Variants in CHCHD3 observed in about 807,000 individuals in gnomAD.
CHCHD3 encodes the protein MICOS complex subunit MIC19.
Under a neutral mutation model 38.2 loss-of-function variants are expected in CHCHD3, and 20 were observed. The ratio of observed to expected loss-of-function variants is 0.52; its 90% CI spans 0.37 to 0.76. The LOEUF (loss-of-function observed/expected upper bound fraction) is 0.76. CHCHD3 is among the 30% of genes least tolerant of loss of function. The probability of loss-of-function intolerance (pLI) is 0.00; values close to 1 mark genes in which losing one functional copy is unlikely to be tolerated. For missense variants in CHCHD3, 245 were observed against 279.2 expected, an observed-to-expected ratio of 0.88 and a Z score of 0.87; for synonymous variants, 82 against 100.0, an observed-to-expected ratio of 0.82 and a Z score of 1.07.
chr7:132,791,376 T>G (rs1331915783), intron 7 of CHCHD3, among the ~76,000 whole-genome samples: 1 of 152,236 alleles, frequency 6.6e-6, no homozygotes, highest in Non-Finnish European at 1.5e-5. Flanking sequence ...ATTTAAATTC[T>G]CTGGAAGCTA....
At chr7:132,918,357 A>G (rs894692935) in intron 4 of CHCHD3, among the ~76,000 whole-genome samples, 4 of 152,148 alleles carry the variant, frequency 2.6e-5, no homozygotes, top group African/African-American at 9.7e-5. Flanking sequence ...ACCCTCCTCA[A>G]TGGGCTGCTG....
chr7:132,983,621 G>A (rs1354293795), intron 3 of CHCHD3, among the ~76,000 whole-genome samples: 1 of 152,090 alleles, frequency 6.6e-6, no homozygotes, highest in Admixed American at 6.5e-5. Context: ...TGAGGTTCTC[G>A]TGTATTTTTC....
chr7:133,044,918 C>G (rs550128563), intron 2 of CHCHD3, among the ~76,000 whole-genome samples: 88 of 152,358 alleles, frequency 5.8e-4, no homozygotes, highest in South Asian at 1.2e-3. Context: ...CAGCTCTGAT[C>G]CAGGATGCTG....
At chr7:132,851,052 A>G (rs988173411) in intron 5 of CHCHD3, among the ~76,000 whole-genome samples, 6 of 152,194 alleles carry the variant, frequency 3.9e-5, no homozygotes, top group Non-Finnish European at 2.9e-5. Context: ...ACCAGTTTTG[A>G]TATGGAAAGA....
Position 132,900,970 on chromosome 7 carries a change from G to A in CHCHD3, c.370-15225C>T, listed in dbSNP as rs147623133. Among the ~76,000 whole-genome samples, 38 of 152,210 alleles carry A rather than the reference G, an allele frequency of 2.5e-4. No homozygotes were observed. The East Asian group carries it at 5.6e-3, about 22-fold the overall frequency. ...AGCACCACTGAACTCCAGCCTGGGC[G>A]ACAGAGCAAGCCTCCCTCTCAAAAA... On this transcript the variant is annotated intron_variant, in intron 4 of 7. Coordinates refer to ENST00000262570, the MANE Select transcript of CHCHD3 (RefSeq NM_017812.4).
chr7:133,028,951 C>G (rs747084020), intron 2 of CHCHD3, among the ~76,000 whole-genome samples: 1 of 151,810 alleles, frequency 6.6e-6, no homozygotes. Flanking sequence ...CTGAGCCCCT[C>G]ACCACGTGAT....
At chr7:132,851,366 G>A (rs1808214715) in intron 5 of CHCHD3, among the ~76,000 whole-genome samples, 1 of 152,094 alleles carries the variant, frequency 6.6e-6, no homozygotes, top group Non-Finnish European at 1.5e-5. Flanking sequence ...TATTTTCCAT[G>A]CTTAGATTGG....
chr7:132,912,690 G>A (rs1226303056), intron 4 of CHCHD3, among the ~76,000 whole-genome samples: 1 of 152,174 alleles, frequency 6.6e-6, no homozygotes, highest in Non-Finnish European at 1.5e-5. Context: ...AGGTAGCTGG[G>A]ACTACAGGCG....
rs1806287751 is a variant in CHCHD3 at position 132,785,374 on chromosome 7, G to A, written c.*263C>T. 8.0e-6 allele frequency: 4 copies of A among 498,320 alleles called. No individual in the cohort carries two copies. Among genetic ancestry groups the A allele is most frequent in the African/African-American group, 1.9e-5 (1 of 51,432 alleles). 30.9% of individuals were successfully genotyped at this position (498,320 alleles called of 1,614,324 possible). A position where few individuals can be genotyped will look rare whatever the true frequency, so the allele number is the denominator to read the frequency against. On this transcript the variant is annotated 3_prime_UTR_variant, in exon 8 of 8. Coordinates refer to ENST00000262570, the MANE Select transcript of CHCHD3 (RefSeq NM_017812.4). ...AAAGTACCAAAAGGTGGAGAGGGCT[G>A]CCCTTCTCTTTTAATCATCATAAGA...
At chr7:132,875,608 C>T (rs750621616) in intron 5 of CHCHD3, among the ~76,000 whole-genome samples, 3 of 152,194 alleles carry the variant, frequency 2.0e-5, no homozygotes, top group Admixed American at 6.5e-5. Flanking sequence ...GGGCCCATTG[C>T]GCCACTGTGT....
chr7:132,789,831 C>A (rs1306784553), intron 7 of CHCHD3, among the ~76,000 whole-genome samples: 3 of 151,914 alleles, frequency 2.0e-5, no homozygotes, highest in Admixed American at 6.6e-5. Context: ...TCTACCTAAC[C>A]AAGGAAAAAT....
chr7:132,928,547 A>C (rs1302492681), intron 4 of CHCHD3, among the ~76,000 whole-genome samples: 1 of 152,040 alleles, frequency 6.6e-6, no homozygotes, highest in African/African-American at 2.4e-5. Flanking sequence ...ATATACAAAA[A>C]TTAGCCAGGC....
At chr7:132,955,216 T>TGTGTGTGTGTGTGTG in intron 4 of CHCHD3, among the ~76,000 whole-genome samples, 2 of 16,792 alleles carry the variant, frequency 1.2e-4, no homozygotes, top group Non-Finnish European at 1.7e-4. Flanking sequence ...GTGTGTGTGT[T>TGTGTGTGTGTGTGTG]GCGGGGTGGG....
chr7:132,909,291 C>G lies in CHCHD3; in HGVS notation c.370-23546G>C, dbSNP rs566745279. ...GATGGATCACTTGAGGTCAGGAGCT[C>G]GAGACCAGTCTGGCCAACATGGTGA... On this transcript the variant is annotated intron_variant, in intron 4 of 7. Transcript: ENST00000262570. Among the ~76,000 whole-genome samples the G allele has an allele frequency of 7.5e-4, 114 of 152,126 alleles. 1 individual carries two copies. The highest frequency in any genetic ancestry group is 1.5e-3 in the Non-Finnish European group (103 of 67,990).
At chr7:132,814,408 G>A (rs1055270817) in intron 6 of CHCHD3, among the ~76,000 whole-genome samples, 4 of 152,148 alleles carry the variant, frequency 2.6e-5, no homozygotes, top group Admixed American at 1.3e-4. Flanking sequence ...AAATAATAGG[G>A]AGAAATGTGA....
intron 3 of CHCHD3, among the ~76,000 whole-genome samples, chr7:132,988,182 A>C (rs568182909): frequency 6.6e-6 from 1 of 152,076 alleles, no homozygotes; most frequent in African/African-American, 2.4e-5. Context: ...CAAGGGTCAT[A>C]AGAAACTTAC....
intron 4 of CHCHD3, among the ~76,000 whole-genome samples, chr7:132,969,216 T>TG (rs1269077895): frequency 6.6e-6 from 1 of 151,868 alleles, no homozygotes; most frequent in Non-Finnish European, 1.5e-5. Context: ...TAGCTTAAGT[T>TG]GGGACAAAAT....
chr7:133,066,041 CA>C (rs1814659484), intron 2 of CHCHD3, among the ~76,000 whole-genome samples: 1 of 151,194 alleles, frequency 6.6e-6, no homozygotes, highest in Non-Finnish European at 1.5e-5. Flanking sequence ...GAACTGTCTG[CA>C]ATAATAGAAA....
chr7:132,803,386 C>T (rs994303365), intron 6 of CHCHD3, among the ~76,000 whole-genome samples: 1 of 151,544 alleles, frequency 6.6e-6, no homozygotes, highest in Non-Finnish European at 1.5e-5. Flanking sequence ...AAAGGCATGG[C>T]ATTTACTCTC....
Sources: allele counts gnomAD v4.1 joint callset (sites outside exome capture counted in the v4.1 genomes callset), GRCh38; gene constraint gnomAD v4.1.1; transcripts MANE v1.5; gene names NCBI Gene and HGNC (gene_info 2026-07-23, HGNC 2026-07-21).